The following FIGN variants were observed in gnomAD, a reference collection of about 807,000 sequenced individuals.
FIGN encodes the protein fidgetin.
FIGN carries 11 observed loss-of-function variants against 51.3 expected under a neutral mutation model. The observed-to-expected ratio is 0.21, with a 90% confidence interval of 0.13 to 0.35. The LOEUF is 0.35. Ranked by LOEUF, FIGN falls within the 10% of genes least tolerant of loss-of-function variation. The probability of loss-of-function intolerance (pLI) is 1.00; values close to 1 mark genes in which losing one functional copy is unlikely to be tolerated. For synonymous variants in FIGN, 407 were observed against 363.2 expected, an observed-to-expected ratio of 1.12 and a Z score of -1.37; for missense variants, 857 against 943.6, an observed-to-expected ratio of 0.91 and a Z score of 1.20.
In FIGN at chr2:163,689,602, A is replaced by G. The variant is rs573118228; in HGVS notation, c.25+45301T>C. 1.1e-4 allele frequency among the ~76,000 whole-genome samples: 16 copies of G among 152,306 alleles called. No homozygotes were observed. In the South Asian group the frequency reaches 2.1e-3, roughly 20 times the overall value. On this transcript the variant is annotated intron_variant, in intron 2 of 2. Transcript: ENST00000333129. ...AGAGAATTTCAATCGAGTAGTGTTCAAGTATTGAGTCAATCTGAATTACAC... is the reference window on the plus strand; with the variant it reads ...AGAGAATTTCAATCGAGTAGTGTTCGAGTATTGAGTCAATCTGAATTACAC...
chr2:163,626,502 G>C (rs1683055641), intron 2 of FIGN, among the ~76,000 whole-genome samples: 1 of 152,060 alleles, frequency 6.6e-6, no homozygotes, highest in Non-Finnish European at 1.5e-5. Context: ...TATTACAAAA[G>C]AGACCACAAG....
intron 2 of FIGN, among the ~76,000 whole-genome samples, chr2:163,728,282 A>T (rs1285732518): frequency 1.3e-5 from 2 of 151,890 alleles, no homozygotes; most frequent in African/African-American, 4.8e-5. Context: ...TTGTGCCTTA[A>T]CCGAGGAGGG....
chr2:163,660,748 TATACAC>T (rs1433601229), intron 2 of FIGN, among the ~76,000 whole-genome samples: 1 of 88,832 alleles, frequency 1.1e-5, no homozygotes, highest in Admixed American at 1.5e-4. Context: ...CATATATATG[TATACAC>T]ATATACATAT....
intron 2 of FIGN, among the ~76,000 whole-genome samples, chr2:163,696,772 A>G (rs865997059): frequency 1.3e-4 from 20 of 151,100 alleles, no homozygotes; most frequent in African/African-American, 4.6e-4. Flanking sequence ...GGCTACATCA[A>G]TCTTCCCATC....
chr2:163,734,937 G>C lies in FIGN; in HGVS notation c.-10C>G. The C allele has an allele frequency of 3.7e-6, 6 of 1,610,970 alleles. No individual in the cohort carries two copies. The highest frequency in any genetic ancestry group is 5.1e-6 in the Non-Finnish European group (6 of 1,178,864). ...TGGTGCTACTGATCATTTCTTGCTGGCAGCACAAAAAGCTGAATTGGATTT... is the reference window on the plus strand; with the variant it reads ...TGGTGCTACTGATCATTTCTTGCTGCCAGCACAAAAAGCTGAATTGGATTT... On this transcript the variant is annotated 5_prime_UTR_variant, in exon 2 of 3. Transcript: ENST00000333129.
At chr2:163,630,393 C>G (rs1559001981) in intron 2 of FIGN, among the ~76,000 whole-genome samples, 1 of 152,084 alleles carries the variant, frequency 6.6e-6, no homozygotes, top group Non-Finnish European at 1.5e-5. Context: ...CTTCTGTCTT[C>G]CTATGAGCCA....
chr2:163,727,248 A>G (rs1446457490), intron 2 of FIGN, among the ~76,000 whole-genome samples: 1 of 152,132 alleles, frequency 6.6e-6, no homozygotes, highest in Non-Finnish European at 1.5e-5. Context: ...GATTCCAAGT[A>G]TAGGAGTAAA....
chr2:163,704,137 C>T (rs1684453711), intron 2 of FIGN, among the ~76,000 whole-genome samples: 3 of 152,034 alleles, frequency 2.0e-5, no homozygotes, highest in Admixed American at 1.3e-4. Context: ...CACAAAGAGA[C>T]AGTAATTGCC....
At chr2:163,656,103 AATATC>A (rs1398309240) in intron 2 of FIGN, among the ~76,000 whole-genome samples, 1 of 152,154 alleles carries the variant, frequency 6.6e-6, no homozygotes, top group East Asian at 1.9e-4. Flanking sequence ...AACCAAATAT[AATATC>A]TCCCCAAGAC....
chr2:163,734,579 C>G (rs1205469807), intron 2 of FIGN, among the ~76,000 whole-genome samples: 1 of 67,122 alleles, frequency 1.5e-5, no homozygotes, highest in African/African-American at 4.3e-5. Flanking sequence ...AAAAAAAAAC[C>G]CACACTGAGT....
At position 163,610,122 on chromosome 2, in the gene FIGN, A is replaced by G. The variant is rs751612325; in HGVS notation, c.1710T>C (p.Ser570=). Residue 570 remains serine (S), a synonymous_variant, in exon 3 of 3, where the codon TCT becomes TCC. Transcript: ENST00000333129. ...GCTGGCGACACCTGGCCACAAGAAAAGAGGCATGGATAATTTTCTCTGCTT... is the reference window on the plus strand; with the variant it reads ...GCTGGCGACACCTGGCCACAAGAAAGGAGGCATGGATAATTTTCTCTGCTT... ...LGEAEKIIHA[S]FLVARCRQPS... The G allele has an allele frequency of 1.2e-6, 2 of 1,614,132 alleles. No homozygotes were observed. The highest frequency in any genetic ancestry group is 2.2e-5 in the South Asian group (2 of 91,080).
intron 2 of FIGN, among the ~76,000 whole-genome samples, chr2:163,643,644 C>T (rs865827276): frequency 3.7e-4 from 52 of 142,172 alleles, no homozygotes; most frequent in African/African-American, 1.3e-3. Context: ...GAGCTAGACT[C>T]AGTCTCAAAA....
chr2:163,620,938 T>C (rs145846258), intron 2 of FIGN, among the ~76,000 whole-genome samples: 9 of 151,716 alleles, frequency 5.9e-5, no homozygotes, highest in Non-Finnish European at 1.0e-4. Context: ...CTGAACTCTA[T>C]TCATGTTTTG....
rs1684275133 is a variant in FIGN, at chr2:163,693,836, T to C, written c.25+41067A>G. Among the ~76,000 whole-genome samples, 4 of 152,202 alleles carry C rather than the reference T, an allele frequency of 2.6e-5. No homozygotes were observed. The South Asian group carries it at 8.3e-4, about 31-fold the overall frequency. ...CTGAGGTGATACGAAACATATGTGT[T>C]AGATGGTATTATAAACCAGAAGGAT... On this transcript the variant is annotated intron_variant, in intron 2 of 2. Coordinates refer to ENST00000333129, the MANE Select transcript of FIGN (RefSeq NM_018086.4).
At position 163,607,561 on chromosome 2, in the gene FIGN, G is replaced by C. The variant is rs187929484; in HGVS notation, c.*1991C>G. The C allele has an allele frequency of 3.3e-5, 5 of 152,438 alleles. No homozygotes were observed. Among genetic ancestry groups the C allele is most frequent in the African/African-American group, 9.6e-5 (4 of 41,474 alleles). The allele number at this position is 152,438 out of a possible 1,614,324, so 9.4% of individuals were successfully genotyped here. The stretch of plus-strand genomic sequence containing the variant: ...AGTGTTTCAGAGAATTGGATATTGT[G>C]GATAAGATCGGTAAAAATTTTTGTA... On this transcript the variant is annotated 3_prime_UTR_variant, in exon 3 of 3. Transcript: ENST00000333129.
chr2:163,669,400 G>A (rs913958996), intron 2 of FIGN, among the ~76,000 whole-genome samples: 1 of 152,120 alleles, frequency 6.6e-6, no homozygotes, highest in East Asian at 1.9e-4. Context: ...TGTATTTGTT[G>A]AGACAGGGTC....
At position 163,604,725 on chromosome 2, in the gene FIGN, C is replaced by A. The variant is rs916375745; in HGVS notation, c.*4827G>T. 1.3e-5 allele frequency: 2 copies of A among 151,558 alleles called. No individual in the cohort carries two copies. The highest frequency in any genetic ancestry group is 1.3e-4 in the Admixed American group (2 of 15,166). The allele number at this position is 151,558 out of a possible 1,614,324, so 9.4% of individuals were successfully genotyped here. A position where few individuals can be genotyped will look rare whatever the true frequency, so the allele number is the denominator to read the frequency against. ...AAGAAAAAAAAGAAATGAATATTCTCTAGCAAGTGTATATAATCCACAGTG... is the reference window on the plus strand; with the variant it reads ...AAGAAAAAAAAGAAATGAATATTCTATAGCAAGTGTATATAATCCACAGTG... On this transcript the variant is annotated 3_prime_UTR_variant, in exon 3 of 3. Transcript: ENST00000333129.
chr2:163,627,066 A>G (rs376870545), intron 2 of FIGN, among the ~76,000 whole-genome samples: 43 of 152,312 alleles, frequency 2.8e-4, no homozygotes, highest in African/African-American at 9.1e-4. Flanking sequence ...GCATACGATC[A>G]AGAAATGACT....
At chr2:163,666,846 C>A (rs780470915) in intron 2 of FIGN, among the ~76,000 whole-genome samples, 1 of 151,492 alleles carries the variant, frequency 6.6e-6, no homozygotes, top group Admixed American at 6.6e-5. Flanking sequence ...TTTGGATATA[C>A]CCCAGAAGAT....
Sources: gnomAD v4.1 joint callset for allele counts (sites outside exome capture counted in the v4.1 genomes callset) on GRCh38, gnomAD v4.1.1 for gene constraint, MANE v1.5 for transcripts, NCBI Gene and HGNC (gene_info 2026-07-23, HGNC 2026-07-21) for gene names.